AKR1E2: variants seen among roughly 807,000 people sequenced by gnomAD.
The protein encoded by AKR1E2 is 1,5-anhydro-D-fructose reductase.
In AKR1E2, 43 loss-of-function variants were observed where a neutral mutation model predicts 41.9. The observed-to-expected ratio is 1.03, with a 90% CI of 0.80 to 1.32. The LOEUF is 1.32. Ranked by LOEUF, AKR1E2 falls within the 40% of genes most tolerant of loss-of-function variation. The pLI is 0.00. For missense variants in AKR1E2, 423 were observed against 396.5 expected, an observed-to-expected ratio of 1.07 and a Z score of -0.57; for synonymous variants, 121 against 138.9, an observed-to-expected ratio of 0.87 and a Z score of 0.91.
downstream of AKR1E2, among the ~76,000 whole-genome samples, chr10:4,852,305 G>A (rs1161658113): frequency 6.6e-6 from 1 of 152,154 alleles, no homozygotes; most frequent in African/African-American, 2.4e-5. Context: ...ATCTCTAGGG[G>A]GAAGTGGAAA....
rs937575003 is a variant in AKR1E2 at position 4,841,098 on chromosome 10, G to A, written c.681-687G>A. On this transcript the variant is annotated intron_variant, in intron 6 of 9. Coordinates refer to ENST00000298375, the MANE Select transcript of AKR1E2 (RefSeq NM_001040177.3). ...TTCCACAGCTGAGCTTTGGGGTAGC[G>A]GATCCTCTGATGGAGTGAGTCAGGG... 2.0e-5 allele frequency among the ~76,000 whole-genome samples: 3 copies of A among 152,100 alleles called. No homozygotes were observed. The South Asian group carries it at 6.2e-4, about 32-fold the overall frequency.
chr10:4,866,645 G>GTTTTTTTTTTTT, the AKR1E2 span, among the ~76,000 whole-genome samples: 1 of 119,198 alleles, frequency 8.4e-6, no homozygotes. Flanking sequence ...TTTTGTTTTT[G>GTTTTTTTTTTTT]TTTTTTTTTT....
intron 3 of AKR1E2, 43 bp from the exon 4 acceptor site, chr10:4,835,630 TTG>T (rs1588450849): frequency 1.3e-6 from 2 of 1,597,988 alleles, no homozygotes; most frequent in East Asian, 4.5e-5. Context: ...TTTTTTTGTT[TTG>T]TTTTGTTTTG....
intron 3 of AKR1E2, 32 bp from the exon 4 acceptor site, chr10:4,835,637 GTTTTGT>G: frequency 1.4e-6 from 2 of 1,471,786 alleles, no homozygotes; most frequent in Non-Finnish European, 1.9e-6. Context: ...GTTTTGTTTT[GTTTTGT>G]TTTCACACAT....
intron 8 of AKR1E2, 72 bp downstream of exon 8, chr10:4,842,576 CA>C: frequency 9.4e-6 from 13 of 1,389,142 alleles, no homozygotes; most frequent in African/African-American, 1.4e-5. Context: ...ACTGCTGTAG[CA>C]TACAGCCTCA....
At chr10:4,838,339 A>G (rs1405887016) in intron 5 of AKR1E2, among the ~76,000 whole-genome samples, 1 of 152,146 alleles carries the variant, frequency 6.6e-6, no homozygotes. Flanking sequence ...CGCCTCTTTC[A>G]CACAGCACTG....
At chr10:4,829,482 G>C (rs1832797609) in intron 1 of AKR1E2, among the ~76,000 whole-genome samples, 1 of 152,152 alleles carries the variant, frequency 6.6e-6, no homozygotes, top group Non-Finnish European at 1.5e-5. Context: ...GGTTATGCTA[G>C]TTTTGTAGAA....
intron 1 of AKR1E2, among the ~76,000 whole-genome samples, chr10:4,829,473 G>T (rs7924202): frequency 6.6e-6 from 1 of 152,064 alleles, no homozygotes; most frequent in Non-Finnish European, 1.5e-5. Context: ...TTGATTCAGG[G>T]TTATGCTAGT....
chr10:4,853,458 A>AAAC, the AKR1E2 span, among the ~76,000 whole-genome samples: 48 of 148,156 alleles, frequency 3.2e-4, no homozygotes, highest in African/African-American at 1.1e-3. Flanking sequence ...AAAAAAAAAA[A>AAAC]CCAAACTCTG....
chr10:4,856,382 T>C, the AKR1E2 span, among the ~76,000 whole-genome samples: 3 of 152,210 alleles, frequency 2.0e-5, no homozygotes, highest in Non-Finnish European at 4.4e-5. Context: ...AACAGGTTTT[T>C]CTTAGAGCAA....
At chr10:4,864,900 TC>T in the AKR1E2 span, among the ~76,000 whole-genome samples, 1 of 152,208 alleles carries the variant, frequency 6.6e-6, no homozygotes, top group African/African-American at 2.4e-5. Context: ...TGTAATAACT[TC>T]CTTTCTTTTT....
intron 6 of AKR1E2, 80 bp downstream of exon 6, chr10:4,839,906 A>C (rs1435323292): frequency 2.2e-5 from 29 of 1,331,132 alleles, no homozygotes; most frequent in Non-Finnish European, 8.6e-6. Context: ...GGGATGACTG[A>C]GGGAGGGCTT....
the AKR1E2 span, among the ~76,000 whole-genome samples, chr10:4,861,881 GC>G: frequency 2.6e-5 from 4 of 152,098 alleles, no homozygotes; most frequent in East Asian, 7.7e-4. Flanking sequence ...TCTGTAGGTT[GC>G]CTGTTCACTC....
Position 4,841,690 on chromosome 10 carries a change from A to G in AKR1E2, c.681-95A>G. 3 of 981,212 alleles carry G rather than the reference A, an allele frequency of 3.1e-6. No individual in the cohort carries two copies. In the Admixed American group the frequency reaches 9.1e-5, roughly 30 times the overall value. 60.8% of individuals were successfully genotyped at this position (981,212 alleles called of 1,614,324 possible). A position where few individuals can be genotyped will look rare whatever the true frequency, so the allele number is the denominator to read the frequency against. On this transcript the variant is annotated intron_variant, in intron 6 of 9. Transcript: ENST00000298375. ...TCGGCATGTGTCATGATCAGAAAAT[A>G]AATCTTTCATTTTGGACAAAGATTT...
At chr10:4,871,488 A>G in the AKR1E2 span, among the ~76,000 whole-genome samples, 6 of 152,216 alleles carry the variant, frequency 3.9e-5, no homozygotes, top group African/African-American at 1.4e-4. Context: ...AAAATGCTCA[A>G]GAACTACAAA....
chr10:4,861,545 T>G, the AKR1E2 span, among the ~76,000 whole-genome samples: 2 of 151,958 alleles, frequency 1.3e-5, no homozygotes, highest in Non-Finnish European at 2.9e-5. Context: ...ATTTTTGTAT[T>G]TTTATTAGCG....
chr10:4,855,496 G>C, the AKR1E2 span, among the ~76,000 whole-genome samples: 1 of 152,206 alleles, frequency 6.6e-6, no homozygotes, highest in Non-Finnish European at 1.5e-5. Context: ...TTGCGAGCTT[G>C]ACCTTGTAAC....
downstream of AKR1E2, among the ~76,000 whole-genome samples, chr10:4,850,150 G>A (rs1455124150): frequency 6.6e-6 from 1 of 152,136 alleles, no homozygotes; most frequent in African/African-American, 2.4e-5. Context: ...CTTTTCTCTA[G>A]GGAATGTGAC....
At chr10:4,825,128 G>A, upstream of AKR1E2, 1 of 397,348 alleles carries the variant, frequency 2.5e-6, no homozygotes, top group Non-Finnish European at 5.3e-6. Context: ...TTGAGGAGAT[G>A]GATGCTCACA....
Sources: gnomAD v4.1 joint callset for allele counts (sites outside exome capture counted in the v4.1 genomes callset) on GRCh38, gnomAD v4.1.1 for gene constraint, MANE v1.5 for transcripts, NCBI Gene and HGNC (gene_info 2026-07-23, HGNC 2026-07-21) for gene names.